Variants in SNX30 observed in about 807,000 individuals in gnomAD.
The protein encoded by SNX30 is sorting nexin family member 30.
In SNX30, 24 loss-of-function variants were observed where a neutral mutation model predicts 46.4. The observed-to-expected ratio is 0.52, with a 90% CI of 0.37 to 0.73. The LOEUF (loss-of-function observed/expected upper bound fraction) is 0.73, where lower values mean the gene tolerates loss of function less well. Among genes scored for constraint, SNX30 ranks in the 30% least tolerant of loss-of-function variants. SNX30 has a pLI of 0.00. For missense variants in SNX30, 533 were observed against 555.7 expected (o/e 0.96, Z 0.41); for synonymous variants, 189 against 211.5 (o/e 0.89, Z 0.92).
intron 3 of SNX30, among the ~76,000 whole-genome samples, chr9:112,825,318 A>G (rs1013467877): frequency 1.3e-5 from 2 of 152,180 alleles, no homozygotes; most frequent in African/African-American, 4.8e-5. Flanking sequence ...TTTTTGAGAC[A>G]GGATCTCACT....
Position 112,868,888 on chromosome 9 carries a change from G to C in SNX30, c.*45G>C. The C allele has an allele frequency of 6.3e-7, 1 of 1,584,102 alleles. No individual in the cohort carries two copies. The highest frequency in any genetic ancestry group is 8.7e-7 in the Non-Finnish European group (1 of 1,152,842). On this transcript the variant is annotated 3_prime_UTR_variant, in exon 9 of 9. Transcript: ENST00000374232. ...GACTCTTCTACCTACACAGGGCCTG[G>C]CACCCTATACCGGAATGTCCCTGCA...
intron 6 of SNX30, 117 bp from the exon 7 acceptor site, chr9:112,850,742 T>C: frequency 3.0e-6 from 2 of 676,816 alleles, no homozygotes; most frequent in Non-Finnish European, 5.2e-6. Flanking sequence ...AGCACATGGC[T>C]GGGCCTGGGG....
At position 112,840,004 on chromosome 9, in the gene SNX30, A is replaced by G. The variant is rs1347197435; in HGVS notation, c.1014+1307A>G. ...AGAGAGAATAGTGACAAACTGCCAC[A>G]TACCCATTCTCCTTGTTCCGTCTTG... On this transcript the variant is annotated intron_variant, in intron 6 of 8. Transcript: ENST00000374232. Among the ~76,000 whole-genome samples the G allele has an allele frequency of 2.6e-5, 4 of 152,392 alleles. No homozygotes were observed. In the East Asian group the frequency reaches 7.7e-4, roughly 29 times the overall value.
At chr9:112,808,874 AATGCTTTACGT>A (rs1209734256) in intron 2 of SNX30, among the ~76,000 whole-genome samples, 1 of 152,190 alleles carries the variant, frequency 6.6e-6, no homozygotes, top group Non-Finnish European at 1.5e-5. Context: ...TTTTGTGCTA[AATGCTTTACGT>A]ATATTATCAG....
At position 112,869,223 on chromosome 9, in the gene SNX30, C is replaced by T. The variant is rs1004340612; in HGVS notation, c.*380C>T. The T allele has an allele frequency of 6.0e-5, 13 of 217,992 alleles. No homozygotes were observed. The East Asian group carries it at 1.3e-3, about 22-fold the overall frequency. The allele number at this position is 217,992 out of a possible 1,614,324, so 13.5% of individuals were successfully genotyped here. On this transcript the variant is annotated 3_prime_UTR_variant, in exon 9 of 9. Transcript: ENST00000374232. ...GTTGTGGGAGAGAACCCGGGGCCTG[C>T]TTTTCAAGGATGAGGAGGAGGCAGG...
At chr9:112,817,634 C>CT in intron 2 of SNX30, 71 bp from the exon 3 acceptor site, 1 of 906,902 alleles carries the variant, frequency 1.1e-6, no homozygotes, top group South Asian at 1.4e-5. Context: ...ATTCTAAGAG[C>CT]TTTTTTCCTT....
chr9:112,785,992 A>C (rs1407829427), intron 1 of SNX30, among the ~76,000 whole-genome samples: 3 of 152,174 alleles, frequency 2.0e-5, no homozygotes, highest in Non-Finnish European at 4.4e-5. Context: ...GTGGAAATAA[A>C]AGCATCTTTA....
In SNX30 at chr9:112,750,969, A is replaced by AGCG. The variant is rs1195909712; in HGVS notation, c.-23_-21dup. On this transcript the variant is annotated 5_prime_UTR_variant, in exon 1 of 9. Transcript: ENST00000374232. The stretch of plus-strand genomic sequence containing the variant: ...CTCGCCGCGGCGGGCAGCAGGAGGA[A>AGCG]GCGGCGGCGGCGCGTCCCGAGCGGT... 7 of 1,212,076 alleles carry AGCG rather than the reference A, an allele frequency of 5.8e-6. No individual in the cohort carries two copies. The East Asian group carries it at 1.0e-4, about 18-fold the overall frequency. The allele number at this position is 1,212,076 out of a possible 1,614,324, so 75.1% of individuals were successfully genotyped here.
chr9:112,820,306 G>C (rs1840472024), intron 3 of SNX30, among the ~76,000 whole-genome samples: 1 of 151,994 alleles, frequency 6.6e-6, no homozygotes, highest in South Asian at 2.1e-4. Flanking sequence ...TCTGATTTAA[G>C]TATGAAAGTC....
At chr9:112,806,842 A>G (rs1415689017) in intron 2 of SNX30, among the ~76,000 whole-genome samples, 2 of 152,104 alleles carry the variant, frequency 1.3e-5, no homozygotes, top group Admixed American at 1.3e-4. Flanking sequence ...GTTAGAATGT[A>G]TATGATTTAG....
rs1174931386 is a variant in SNX30, at chr9:112,838,688, C to T, written c.1005C>T (p.Asp335=). 2 of 1,613,642 alleles carry T rather than the reference C, an allele frequency of 1.2e-6. No homozygotes were observed. Among genetic ancestry groups the T allele is most frequent in the Admixed American group, 1.7e-5 (1 of 59,970 alleles). ...PVLREYILYS[D]SMKSVLKKRD... is the part of the protein sequence containing the mutation. ...TCAGGGAATATATTTTATACTCTGACTCCATGAAGGTAAGCTGGCTTGCTT... is the reference window on the plus strand; with the variant it reads ...TCAGGGAATATATTTTATACTCTGATTCCATGAAGGTAAGCTGGCTTGCTT... The change falls in exon 6 of 9, where the codon GAC becomes GAT. Residue 335 remains aspartate, a synonymous_variant. Transcript: ENST00000374232.
chr9:112,852,046 GGC>G (rs1841036014), intron 7 of SNX30, among the ~76,000 whole-genome samples: 1 of 152,152 alleles, frequency 6.6e-6, no homozygotes, highest in African/African-American at 2.4e-5. Flanking sequence ...ACTGAGACAT[GGC>G]TCAGCAGATG....
intron 1 of SNX30, among the ~76,000 whole-genome samples, chr9:112,754,406 CTTT>C (rs755479504): frequency 5.3e-5 from 6 of 113,018 alleles, no homozygotes; most frequent in South Asian, 2.8e-4. Context: ...CTCACTGGGC[CTTT>C]TTTTTTTTTT....
chr9:112,836,349 T>C lies in SNX30; in HGVS notation c.754T>C (p.Phe252Leu), dbSNP rs200549970. ...FAAIGDYLDT[F>L]ALKLGTIDRI... ...TGCCATAGGTGACTACTTAGATACA[T>C]TTGCACTCAAACTGGGAACCATTGA... Residue 252 changes from phenylalanine to leucine, a missense_variant, in exon 5 of 9, where the codon TTT becomes CTT. This residue lies in a region of SNX30 where 261 missense variants were observed against 270.9 expected (regional missense o/e 0.96). Transcript: ENST00000374232. 59 of 1,610,766 alleles carry C rather than the reference T, an allele frequency of 3.7e-5. No homozygotes were observed. In the South Asian group the frequency reaches 4.2e-4, roughly 11 times the overall value.
intron 1 of SNX30, among the ~76,000 whole-genome samples, chr9:112,783,948 C>T (rs1173648278): frequency 6.6e-6 from 1 of 152,226 alleles, no homozygotes; most frequent in Non-Finnish European, 1.5e-5. Flanking sequence ...ACAGTCATTT[C>T]AGTAGGACTT....
chr9:112,779,559 G>A (rs544136387), intron 1 of SNX30, among the ~76,000 whole-genome samples: 8 of 152,240 alleles, frequency 5.3e-5, no homozygotes, highest in Non-Finnish European at 1.2e-4. Flanking sequence ...GCTAGGCATC[G>A]TGGGAGGTGC....
chr9:112,760,365 G>A (rs540102955), intron 1 of SNX30, among the ~76,000 whole-genome samples: 5 of 152,240 alleles, frequency 3.3e-5, no homozygotes, highest in African/African-American at 1.2e-4. Flanking sequence ...GAAATACCCT[G>A]GCTTGTCTCC....
rs1839818646 is a variant in SNX30, at chr9:112,779,863, C to T, written c.157-24913C>T. Among the ~76,000 whole-genome samples the T allele has an allele frequency of 3.3e-5, 5 of 152,254 alleles. No individual in the cohort carries two copies. The South Asian group carries it at 1.0e-3, about 32-fold the overall frequency. ...AGAGAGGCACTTTATCCCTATTTTA[C>T]ACGTGACGAAATGGGAGCTCTGAGG... On this transcript the variant is annotated intron_variant, in intron 1 of 8. Coordinates refer to ENST00000374232, the MANE Select transcript of SNX30 (RefSeq NM_001012994.2).
intron 3 of SNX30, among the ~76,000 whole-genome samples, chr9:112,826,884 G>A (rs1481962605): frequency 6.6e-6 from 1 of 152,166 alleles, no homozygotes; most frequent in Non-Finnish European, 1.5e-5. Flanking sequence ...CTTTGGACTG[G>A]GCCAGCATCG....
Sources: allele counts gnomAD v4.1 joint callset (sites outside exome capture counted in the v4.1 genomes callset), GRCh38; gene constraint gnomAD v4.1.1; regional missense constraint gnomAD v4.1.1; transcripts MANE v1.5; gene names NCBI Gene and HGNC (gene_info 2026-07-23, HGNC 2026-07-21).